The following DCDC1 variants were observed in gnomAD, a reference collection of about 807,000 sequenced individuals.
The protein encoded by DCDC1 is doublecortin domain-containing protein 1.
DCDC1 carries 200 observed loss-of-function variants against 178.3 expected under a neutral mutation model. That is an observed-to-expected ratio of 1.12 (90% confidence interval 1.00 to 1.26). The LOEUF (loss-of-function observed/expected upper bound fraction) is 1.26, where lower values mean the gene tolerates loss of function less well. DCDC1 is among the 50% of genes most tolerant of loss of function. The probability of loss-of-function intolerance (pLI) is 0.00; values close to 1 mark genes in which losing one functional copy is unlikely to be tolerated. For missense variants in DCDC1, 1,983 were observed against 1,749.2 expected (o/e 1.13, Z -2.38); for synonymous variants, 690 against 604.8 (o/e 1.14, Z -2.07).
intron 27 of DCDC1, among the ~76,000 whole-genome samples, chr11:30,915,053 G>GT (rs1945739406): frequency 6.6e-6 from 1 of 152,194 alleles, no homozygotes; most frequent in Admixed American, 6.5e-5. Context: ...TTTATACTGC[G>GT]TGAGTGGAAA....
chr11:31,189,200 T>C (rs1055064141), intron 9 of DCDC1, among the ~76,000 whole-genome samples: 2 of 152,158 alleles, frequency 1.3e-5, no homozygotes, highest in Non-Finnish European at 2.9e-5. Flanking sequence ...AAGTTCTTCA[T>C]AATAGTTAAT....
rs779143990 is a variant in DCDC1, at chr11:30,911,330, A to C, written c.3744T>G (p.Val1248=). 6.2e-7 allele frequency: 1 copy of C among 1,600,118 alleles called. No individual in the cohort carries two copies. Reference sequence around the variant, plus strand: ...TCTTTAGCCATACATATCTTACCTGAACAATAACTGGATAGCCACAAACTT... The same window carrying C: ...TCTTTAGCCATACATATCTTACCTGCACAATAACTGGATAGCCACAAACTT... The part of the protein sequence containing the change: ...RNEVCGYPVI[V]QKYKPYNNGA... The change falls in exon 28 of 39, where the codon GTT becomes GTG. Residue 1248 remains valine, a synonymous_variant. Coordinates refer to ENST00000684477, the MANE Select transcript of DCDC1 (RefSeq NM_001387274.1).
chr11:31,199,820 A>C (rs952369747), intron 9 of DCDC1, among the ~76,000 whole-genome samples: 6 of 152,196 alleles, frequency 3.9e-5, no homozygotes, highest in Non-Finnish European at 8.8e-5. Context: ...AGTCCAAAAC[A>C]GGATTGAAAA....
rs114050863 is a variant in DCDC1 at position 31,144,464 on chromosome 11, A to G, written c.1222-6680T>C. Among the ~76,000 whole-genome samples, 722 of 152,166 alleles carry G rather than the reference A, an allele frequency of 4.7e-3. 7 individuals are homozygous for G. The highest frequency in any genetic ancestry group is 0.017 in the African/African-American group (686 of 41,532). ...AGACTGTGCAAATGTTTAAGGTTTG[A>G]TATTCTTTGACAAATTTTCCTCTAC... On this transcript the variant is annotated intron_variant, in intron 9 of 38. Transcript: ENST00000684477.
At chr11:31,065,245 T>C (rs1956181984) in intron 18 of DCDC1, 92 bp from the exon 19 acceptor site, 1 of 543,974 alleles carries the variant, frequency 1.8e-6, no homozygotes, top group African/African-American at 1.9e-5. Flanking sequence ...ATAAATTACA[T>C]TAATAGTAAA....
chr11:31,032,693 G>T (rs1388529955), intron 20 of DCDC1, among the ~76,000 whole-genome samples: 1 of 152,110 alleles, frequency 6.6e-6, no homozygotes, highest in Admixed American at 6.6e-5. Flanking sequence ...TCATTCCTTT[G>T]CTATAATTAG....
chr11:31,041,922 G>T lies in DCDC1; in HGVS notation c.2591+22547C>A, dbSNP rs575088328. ...ATGTCATATAAAATATTAGAACAAA[G>T]AACTAAGTCTTATTTTAAGATTTTA... is the stretch of plus-strand genomic sequence containing the variant. On this transcript the variant is annotated intron_variant, in intron 20 of 38. Coordinates refer to ENST00000684477, the MANE Select transcript of DCDC1 (RefSeq NM_001387274.1). Among the ~76,000 whole-genome samples the T allele has an allele frequency of 3.3e-5, 5 of 152,138 alleles. No individual in the cohort carries two copies. The East Asian group carries it at 9.7e-4, about 29-fold the overall frequency.
intron 9 of DCDC1, among the ~76,000 whole-genome samples, chr11:31,193,370 G>A (rs1970343856): frequency 6.6e-6 from 1 of 151,972 alleles, no homozygotes; most frequent in Non-Finnish European, 1.5e-5. Flanking sequence ...ATGCTCCTAA[G>A]TTTGAAATGT....
chr11:30,985,209 G>A (rs953812277), intron 20 of DCDC1, among the ~76,000 whole-genome samples: 4 of 152,146 alleles, frequency 2.6e-5, no homozygotes, highest in African/African-American at 9.7e-5. Context: ...TTTAAGGTAA[G>A]GAGCTTTAGA....
chr11:31,246,802 A>T (rs1209696577), intron 8 of DCDC1, among the ~76,000 whole-genome samples: 1 of 152,062 alleles, frequency 6.6e-6, no homozygotes, highest in Non-Finnish European at 1.5e-5. Flanking sequence ...GCTGCTGTGT[A>T]CTTTTGTTTA....
At chr11:30,912,648 C>T (rs1222336939) in intron 27 of DCDC1, among the ~76,000 whole-genome samples, 1 of 152,148 alleles carries the variant, frequency 6.6e-6, no homozygotes, top group Non-Finnish European at 1.5e-5. Context: ...TACAGACAAG[C>T]TCTGGCCAGG....
chr11:30,885,597 A>G (rs2133999908), intron 36 of DCDC1, among the ~76,000 whole-genome samples: 1 of 152,278 alleles, frequency 6.6e-6, no homozygotes, highest in African/African-American at 2.4e-5. Flanking sequence ...CTCAACAAGT[A>G]ATTAAAAATA....
At chr11:31,139,518 A>C (rs1026185844) in intron 9 of DCDC1, among the ~76,000 whole-genome samples, 1 of 152,134 alleles carries the variant, frequency 6.6e-6, no homozygotes, top group Admixed American at 6.5e-5. Flanking sequence ...GAGGGACTGG[A>C]GAATATTTAC....
intron 9 of DCDC1, among the ~76,000 whole-genome samples, chr11:31,143,265 G>A (rs1251940664): frequency 6.6e-6 from 1 of 151,982 alleles, no homozygotes; most frequent in African/African-American, 2.4e-5. Context: ...ATGAGAAGTG[G>A]TAATACGGGG....
At chr11:31,097,162 A>T (rs747038247) in intron 15 of DCDC1, among the ~76,000 whole-genome samples, 21 of 152,240 alleles carry the variant, frequency 1.4e-4, no homozygotes, top group Non-Finnish European at 2.1e-4. Context: ...GCAGTCAATG[A>T]TAAAGCAATG....
In DCDC1 at chr11:30,987,683, GA is replaced by G. The variant is rs772306122; in HGVS notation, c.2592-35116del. Among the ~76,000 whole-genome samples the G allele has an allele frequency of 8.1e-4, 124 of 152,326 alleles. 1 individual carries two copies. Among genetic ancestry groups the G allele is most frequent in the Admixed American group, 1.6e-3 (25 of 15,306 alleles). Reference sequence around the variant, plus strand: ...TTTGGGGCCAGAGGAACAGCTGGTGGAAAGGCTCTAGATCAAGCTTGTCCAA... The same window carrying G: ...TTTGGGGCCAGAGGAACAGCTGGTGGAAGGCTCTAGATCAAGCTTGTCCAA... On this transcript the variant is annotated intron_variant, in intron 20 of 38. Transcript: ENST00000684477.
chr11:31,069,242 A>T (rs906262766), intron 18 of DCDC1, among the ~76,000 whole-genome samples: 1 of 152,192 alleles, frequency 6.6e-6, no homozygotes. Context: ...TATTGCACAC[A>T]CTATTCAGAT....
At chr11:31,189,100 A>G (rs893572097) in intron 9 of DCDC1, among the ~76,000 whole-genome samples, 1 of 152,200 alleles carries the variant, frequency 6.6e-6, no homozygotes, top group African/African-American at 2.4e-5. Flanking sequence ...ACTATAAGTA[A>G]TAAATTTTCG....
At chr11:31,141,784 C>A (rs1300401596) in intron 9 of DCDC1, among the ~76,000 whole-genome samples, 1 of 152,092 alleles carries the variant, frequency 6.6e-6, no homozygotes, top group Non-Finnish European at 1.5e-5. Context: ...TTGGAAAGTG[C>A]ATTTTAATAA....
Sources: allele counts gnomAD v4.1 joint callset (sites outside exome capture counted in the v4.1 genomes callset), GRCh38; gene constraint gnomAD v4.1.1; transcripts MANE v1.5; gene names NCBI Gene and HGNC (gene_info 2026-07-23, HGNC 2026-07-21).